The following DGKD variants were observed in gnomAD, a reference collection of about 807,000 sequenced individuals.
The protein encoded by DGKD is diacylglycerol kinase delta.
DGKD carries 68 observed loss-of-function variants against 154.4 expected under a neutral mutation model. The ratio of observed to expected loss-of-function variants is 0.44; its 90% CI spans 0.36 to 0.54. The LOEUF is 0.54. DGKD is among the 20% of genes least tolerant of loss of function. The pLI is 0.00. For synonymous variants in DGKD, 693 were observed against 638.0 expected (o/e 1.09, Z -1.30); for missense variants, 1,343 against 1,593.6 (o/e 0.84, Z 2.68).
At chr2:233,394,250 T>G (rs1028044520) in intron 3 of DGKD, among the ~76,000 whole-genome samples, 1 of 152,238 alleles carries the variant, frequency 6.6e-6, no homozygotes, top group African/African-American at 2.4e-5. Context: ...AGCTTTTTTT[T>G]TCTTCTTTCC....
intron 1 of DGKD, among the ~76,000 whole-genome samples, chr2:233,370,513 G>C (rs1406314179): frequency 6.6e-6 from 1 of 151,540 alleles, no homozygotes; most frequent in African/African-American, 2.4e-5. Flanking sequence ...CACCGCACCC[G>C]GCCACTGAGC....
At chr2:233,376,511 C>A (rs2125408784) in intron 1 of DGKD, among the ~76,000 whole-genome samples, 1 of 152,274 alleles carries the variant, frequency 6.6e-6, no homozygotes, top group East Asian at 1.9e-4. Flanking sequence ...CTGATTATTT[C>A]TTCTCCTTGC....
At position 233,469,438 on chromosome 2, in the gene DGKD, G is replaced by C; in HGVS notation, c.3623G>C (p.Ser1208Thr). Reference sequence around the variant, plus strand: ...TGTGGCATCAAGGAGCTGAGCCGCAGCGCCCCCGCCGTCGAGGCCTAGCCT... The same window carrying C: ...TGTGGCATCAAGGAGCTGAGCCGCACCGCCCCCGCCGTCGAGGCCTAGCCT... The part of the protein sequence containing the change: ...ILCGIKELSR[S>T]APAVEA Residue 1208 changes from serine (S) to threonine (T), a missense_variant, in exon 30 of 30, where the codon AGC (serine) becomes ACC (threonine). By Grantham distance (58) the Ser-to-Thr change is moderately conservative (BLOSUM62 1). Coordinates refer to ENST00000264057, the MANE Select transcript of DGKD (RefSeq NM_152879.3). 1 of 1,600,220 alleles carries C rather than the reference G, an allele frequency of 6.2e-7. No individual in the cohort carries two copies. Among genetic ancestry groups the C allele is most frequent in the Admixed American group, 1.7e-5 (1 of 58,014 alleles).
chr2:233,367,917 C>T (rs1227397736), intron 1 of DGKD, among the ~76,000 whole-genome samples: 2 of 147,282 alleles, frequency 1.4e-5, no homozygotes, highest in Non-Finnish European at 3.0e-5. Context: ...GTCTTGAACT[C>T]CTGACCTAAA....
intron 14 of DGKD, among the ~76,000 whole-genome samples, chr2:233,448,870 A>G (rs945117910): frequency 6.6e-6 from 1 of 152,236 alleles, no homozygotes; most frequent in African/African-American, 2.4e-5. Flanking sequence ...GCTCGCAATC[A>G]GTATGGTTGG....
intron 1 of DGKD, among the ~76,000 whole-genome samples, chr2:233,384,663 C>G (rs1703078923): frequency 6.6e-6 from 1 of 152,196 alleles, no homozygotes; most frequent in Non-Finnish European, 1.5e-5. Context: ...CATTCCCATG[C>G]CTGTGTCCAT....
chr2:233,397,749 G>A (rs1200872831), intron 3 of DGKD, among the ~76,000 whole-genome samples: 1 of 152,112 alleles, frequency 6.6e-6, no homozygotes, highest in Non-Finnish European at 1.5e-5. Context: ...AACTGGAAGG[G>A]GAGGGAGGTT....
chr2:233,413,332 A>G (rs1345305360), intron 3 of DGKD, among the ~76,000 whole-genome samples: 2 of 151,280 alleles, frequency 1.3e-5, no homozygotes, highest in African/African-American at 4.9e-5. Context: ...TATTTGCTAG[A>G]GTTTACCAGT....
At chr2:233,373,904 GA>G (rs1267541042) in intron 1 of DGKD, among the ~76,000 whole-genome samples, 1 of 151,908 alleles carries the variant, frequency 6.6e-6, no homozygotes, top group Non-Finnish European at 1.5e-5. Flanking sequence ...ATAACATATA[GA>G]ATAATAATAC....
At chr2:233,397,478 G>A (rs1207823143) in intron 3 of DGKD, among the ~76,000 whole-genome samples, 14 of 139,476 alleles carry the variant, frequency 1.0e-4, no homozygotes, top group Non-Finnish European at 2.0e-4. Flanking sequence ...AGGGGAGCAG[G>A]GTGGCTGGCG....
chr2:233,436,043 A>G, intron 6 of DGKD, 119 bp downstream of exon 6: 1 of 1,150,226 alleles, frequency 8.7e-7, no homozygotes, highest in South Asian at 1.5e-5. Flanking sequence ...TCACACTGGC[A>G]TTGGGTGGCA....
intron 5 of DGKD, among the ~76,000 whole-genome samples, chr2:233,435,190 G>A (rs192749731): frequency 9.2e-5 from 14 of 152,282 alleles, no homozygotes; most frequent in Admixed American, 8.5e-4. Context: ...AACAGTGGTC[G>A]GCCCCTGTGT....
In DGKD at chr2:233,458,153, A is replaced by T; in HGVS notation, c.2581-131A>T. ...CAGGGCCTGCAACATGAAGCCCGTC[A>T]GGAGTGCAGTTACCTGGTAACTTCT... is the stretch of plus-strand genomic sequence containing the variant. On this transcript the variant is annotated intron_variant, in intron 21 of 29. Coordinates refer to ENST00000264057, the MANE Select transcript of DGKD (RefSeq NM_152879.3). The surrounding 1 kb of genome is among the most constrained non-coding windows in gnomAD (Gnocchi z 6.6). The T allele has an allele frequency of 3.5e-6, 2 of 564,350 alleles. No individual in the cohort carries two copies. The highest frequency in any genetic ancestry group is 6.5e-6 in the Non-Finnish European group (2 of 309,464). 35.0% of individuals were successfully genotyped at this position (564,350 alleles called of 1,614,324 possible).
rs746850652 is a variant in DGKD, at chr2:233,354,557, G to A, written c.39G>A (p.Pro13=). 1.9e-6 allele frequency: 2 copies of A among 1,043,802 alleles called. No homozygotes were observed. Among genetic ancestry groups the A allele is most frequent in the Non-Finnish European group, 2.3e-6 (2 of 862,772 alleles). The allele number at this position is 1,043,802 out of a possible 1,614,324, so 64.7% of individuals were successfully genotyped here. A position where few individuals can be genotyped will look rare whatever the true frequency, so the allele number is the denominator to read the frequency against. Residue 13 remains proline (P), a synonymous_variant, in exon 1 of 30, where the codon CCG becomes CCA. Transcript: ENST00000264057. This position sits in a 1 kb window ranked among gnomAD's most constrained non-coding sequence, Gnocchi z 4.8. The part of the protein sequence containing the change: ...AAAGAPPPGP[P]QPPPPPPPEE... ...CGGGCGCCCCTCCGCCGGGTCCCCC[G>A]CAACCGCCTCCGCCGCCGCCGCCCG...
In DGKD at chr2:233,390,684, A is replaced by G. The variant is rs550671392; in HGVS notation, c.348+201A>G. ...AGAATTTGGCATGCATAAGCACAAA[A>G]GGACAATAGGGACCAAATGAAAAAT... is the stretch of plus-strand genomic sequence containing the variant. On this transcript the variant is annotated intron_variant, in intron 3 of 29. Transcript: ENST00000264057. Among the ~76,000 whole-genome samples, 10 of 152,340 alleles carry G rather than the reference A, an allele frequency of 6.6e-5. No homozygotes were observed. In the South Asian group the frequency reaches 1.4e-3, roughly 22 times the overall value.
chr2:233,416,029 G>A (rs1340833526), intron 3 of DGKD, among the ~76,000 whole-genome samples: 4 of 152,214 alleles, frequency 2.6e-5, no homozygotes, highest in African/African-American at 7.2e-5. Context: ...ACCACTTGAT[G>A]TGTGAACCTC....
intron 1 of DGKD, among the ~76,000 whole-genome samples, chr2:233,380,683 G>C (rs1300822159): frequency 6.6e-6 from 1 of 152,108 alleles, no homozygotes; most frequent in African/African-American, 2.4e-5. Context: ...TGTGTGTGGG[G>C]GGGTGTTAAC....
intron 6 of DGKD, 87 bp from the exon 7 acceptor site, chr2:233,436,229 T>A: frequency 6.3e-7 from 1 of 1,584,488 alleles, no homozygotes; most frequent in Non-Finnish European, 8.6e-7. Flanking sequence ...AAGAATGCCT[T>A]GGCTGAGTTC....
At position 233,468,572 on chromosome 2, in the gene DGKD, C is replaced by T; in HGVS notation, c.3555+19C>T. On this transcript the variant is annotated intron_variant, in intron 29 of 29. Transcript: ENST00000264057. ...CCTCAAGGTACTTCCATAGGCGTCTCCCTGGAACCTGCACTTGGGCTTGCA... is the reference window on the plus strand; with the variant it reads ...CCTCAAGGTACTTCCATAGGCGTCTTCCTGGAACCTGCACTTGGGCTTGCA... 3.7e-6 allele frequency: 6 copies of T among 1,612,990 alleles called. No homozygotes were observed. Among genetic ancestry groups the T allele is most frequent in the Non-Finnish European group, 5.1e-6 (6 of 1,179,852 alleles).
Sources: gnomAD v4.1 joint callset for allele counts (sites outside exome capture counted in the v4.1 genomes callset) on GRCh38, gnomAD v4.1.1 for gene constraint, Gnocchi (gnomAD v3.1) non-coding constraint, MANE v1.5 for transcripts, NCBI Gene and HGNC (gene_info 2026-07-23, HGNC 2026-07-21) for gene names.